The following ARHGAP5 variants were observed in gnomAD, a reference collection of about 807,000 sequenced individuals.
ARHGAP5 encodes rho GTPase-activating protein 5.
A neutral mutation model predicts 116.6 loss-of-function variants in ARHGAP5; 23 were observed. That is an observed-to-expected ratio of 0.20 (90% CI 0.14 to 0.28). The LOEUF is 0.28. Among genes scored for constraint, ARHGAP5 ranks in the 10% least tolerant of loss-of-function variants. ARHGAP5 has a pLI of 1.00. For missense variants in ARHGAP5, 1,405 were observed against 1,774.8 expected (o/e 0.79, Z 3.74); for synonymous variants, 574 against 602.0 (o/e 0.95, Z 0.68).
intron 3 of ARHGAP5, among the ~76,000 whole-genome samples, chr14:32,141,559 A>G (rs1881125306): frequency 6.6e-6 from 1 of 152,216 alleles, no homozygotes; most frequent in Non-Finnish European, 1.5e-5. Flanking sequence ...GCTGGCTTAT[A>G]TGCTTGCCTA....
chr14:32,150,076 GT>G, intron 5 of ARHGAP5, 43 bp downstream of exon 5: 1 of 1,474,080 alleles, frequency 6.8e-7, no homozygotes, highest in South Asian at 1.4e-5. Context: ...GATAATGGCA[GT>G]TTTTGGATAT....
chr14:32,111,277 A>G (rs1399659173), intron 2 of ARHGAP5, among the ~76,000 whole-genome samples: 1 of 152,216 alleles, frequency 6.6e-6, no homozygotes, highest in Non-Finnish European at 1.5e-5. Flanking sequence ...AACAGCAGCA[A>G]AAGACAGTCA....
chr14:32,095,655 G>A (rs1049045031), intron 2 of ARHGAP5, among the ~76,000 whole-genome samples: 9 of 151,888 alleles, frequency 5.9e-5, no homozygotes, highest in Non-Finnish European at 1.2e-4. Context: ...CAGATGATCC[G>A]AGGCCTGCCT....
intron 3 of ARHGAP5, among the ~76,000 whole-genome samples, chr14:32,144,096 A>G (rs1881261074): frequency 6.6e-6 from 1 of 152,212 alleles, no homozygotes; most frequent in Non-Finnish European, 1.5e-5. Flanking sequence ...ATAGAGCTAT[A>G]GATAAAGTAC....
intron 2 of ARHGAP5, among the ~76,000 whole-genome samples, chr14:32,115,815 CA>C (rs35119475): frequency 2.8e-5 from 4 of 141,686 alleles, no homozygotes; most frequent in Non-Finnish European, 3.1e-5. Flanking sequence ...ACTAAAAATA[CA>C]AAAAAAAAAA....
intron 6 of ARHGAP5, chr14:32,153,884 T>C (rs1881770140): frequency 6.9e-6 from 1 of 145,906 alleles, no homozygotes; most frequent in South Asian, 2.2e-4. Flanking sequence ...GAGACTTGAT[T>C]CTCAAAAAAA....
chr14:32,120,993 A>G (rs115932410), intron 3 of ARHGAP5, among the ~76,000 whole-genome samples: 3,132 of 145,868 alleles, frequency 0.021, 126 homozygotes, highest in African/African-American at 0.074. Flanking sequence ...TTTTAATTTC[A>G]TACACATTTA....
Position 32,154,934 on chromosome 14 carries a change from C to T in ARHGAP5, c.4495C>T (p.Leu1499Phe). The part of the protein sequence containing the change: ...LIQPQLQTDP[L>F]GII ...ACAACCACAATTACAAACGGATCCT[C>T]TTGGTATTATATGAGTAGGAAGTGA... is the stretch of plus-strand genomic sequence containing the variant. Residue 1499 changes from leucine to phenylalanine, a missense_variant, in exon 7 of 7, where the codon CTT (leucine) becomes TTT (phenylalanine). Coordinates refer to ENST00000345122, the MANE Select transcript of ARHGAP5 (RefSeq NM_001030055.2). The T allele has an allele frequency of 6.2e-7, 1 of 1,613,298 alleles. No individual in the cohort carries two copies. The highest frequency in any genetic ancestry group is 1.1e-5 in the South Asian group (1 of 91,058).
rs1320409310 is a variant in ARHGAP5 at position 32,156,642 on chromosome 14, T to C, written c.*1694T>C. 1 of 152,266 alleles carries C rather than the reference T, an allele frequency of 6.6e-6. No individual in the cohort carries two copies. Among genetic ancestry groups the C allele is most frequent in the Non-Finnish European group, 1.5e-5 (1 of 67,774 alleles). The allele number at this position is 152,266 out of a possible 1,614,324, so 9.4% of individuals were successfully genotyped here. A position where few individuals can be genotyped will look rare whatever the true frequency, so the allele number is the denominator to read the frequency against. Reference sequence around the variant, plus strand: ...AAGTACAGTAATTTTTAAAAAAAAATCCGGTAAATGTAGTATTCTTAACCT... The same window carrying C: ...AAGTACAGTAATTTTTAAAAAAAAACCCGGTAAATGTAGTATTCTTAACCT... On this transcript the variant is annotated 3_prime_UTR_variant, in exon 7 of 7. Transcript: ENST00000345122.
chr14:32,146,158 A>G, intron 3 of ARHGAP5, 105 bp from the exon 4 acceptor site: 1 of 769,350 alleles, frequency 1.3e-6, no homozygotes, highest in Non-Finnish European at 2.1e-6. Flanking sequence ...CAGTTCTCCC[A>G]CCTTGGCCTC....
rs775411340 is a variant in ARHGAP5, at chr14:32,146,355, A to T, written c.3943+15A>T. ...GTTTGATCAAGGTAAGAAGATGATT[A>T]TGTGAAATAAAAATTGTTGTTTTAT... On this transcript the variant is annotated intron_variant, in intron 4 of 6. Coordinates refer to ENST00000345122, the MANE Select transcript of ARHGAP5 (RefSeq NM_001030055.2). 4.3e-5 allele frequency: 68 copies of T among 1,573,798 alleles called. No homozygotes were observed. Among genetic ancestry groups the T allele is most frequent in the Non-Finnish European group, 1.3e-5 (15 of 1,147,356 alleles).
At chr14:32,135,275 A>C (rs1880729439) in intron 3 of ARHGAP5, among the ~76,000 whole-genome samples, 1 of 152,240 alleles carries the variant, frequency 6.6e-6, no homozygotes, top group South Asian at 2.1e-4. Context: ...CAAAAAATAC[A>C]TTTAACTGGA....
In ARHGAP5 at chr14:32,157,824, G is replaced by A. The variant is rs1431827763; in HGVS notation, c.*2876G>A. 2 of 149,334 alleles carry A rather than the reference G, an allele frequency of 1.3e-5. No homozygotes were observed. Among genetic ancestry groups the A allele is most frequent in the Non-Finnish European group, 3.0e-5 (2 of 67,028 alleles). The allele number at this position is 149,334 out of a possible 1,614,324, so 9.3% of individuals were successfully genotyped here. A position where few individuals can be genotyped will look rare whatever the true frequency, so the allele number is the denominator to read the frequency against. On this transcript the variant is annotated 3_prime_UTR_variant, in exon 7 of 7. Transcript: ENST00000345122. ...GACCTGGGTTTTTTTGTTTATTTGGGTTTGTTTTTTTTTTTGAGGTACTGG... is the reference window on the plus strand; with the variant it reads ...GACCTGGGTTTTTTTGTTTATTTGGATTTGTTTTTTTTTTTGAGGTACTGG...
At chr14:32,080,076 T>A (rs1033305988) in intron 1 of ARHGAP5, among the ~76,000 whole-genome samples, 1 of 152,062 alleles carries the variant, frequency 6.6e-6, no homozygotes, top group Admixed American at 6.5e-5. Context: ...CAGGCTTTTG[T>A]CGATTATTTT....
At position 32,093,107 on chromosome 14, in the gene ARHGAP5, A is replaced by G. The variant is rs1411881023; in HGVS notation, c.2438A>G (p.Asn813Ser). The G allele has an allele frequency of 3.7e-6, 6 of 1,613,900 alleles. No individual in the cohort carries two copies. Among genetic ancestry groups the G allele is most frequent in the Non-Finnish European group, 5.1e-6 (6 of 1,179,940 alleles). ...TGCAGTGCTGCTCAAGCTGGACAGA[A>G]TAATTCCCTAATGCTTGATAAAATC... ...HSCSAAQAGQ[N>S]NSLMLDKIIG... The change falls in exon 2 of 7, where the codon AAT becomes AGT. Residue 813 changes from asparagine (N) to serine (S), a missense_variant. Around this residue, in one of 6 missense-constraint regions of ARHGAP5, gnomAD observed 944 missense variants for 1,095.3 expected, o/e 0.86. Transcript: ENST00000345122.
Position 32,146,350 on chromosome 14 carries a change from T to A in ARHGAP5, c.3943+10T>A, listed in dbSNP as rs1226787663. ...AAGCAGTTTGATCAAGGTAAGAAGA[T>A]GATTATGTGAAATAAAAATTGTTGT... On this transcript the variant is annotated intron_variant, in intron 4 of 6. Coordinates refer to ENST00000345122, the MANE Select transcript of ARHGAP5 (RefSeq NM_001030055.2). The A allele has an allele frequency of 6.3e-6, 10 of 1,582,178 alleles. No homozygotes were observed. The highest frequency in any genetic ancestry group is 8.7e-6 in the Non-Finnish European group (10 of 1,154,016).
At position 32,117,347 on chromosome 14, in the gene ARHGAP5, C is replaced by T. The variant is rs540550536; in HGVS notation, c.3865+60C>T. ...TTAAATTTCACTTTTGATACACCAA[C>T]AGTTTGTCAAATGTTTGTGATTTGT... On this transcript the variant is annotated intron_variant, in intron 3 of 6. Coordinates refer to ENST00000345122, the MANE Select transcript of ARHGAP5 (RefSeq NM_001030055.2). The T allele has an allele frequency of 2.8e-6, 4 of 1,414,012 alleles. No individual in the cohort carries two copies. The South Asian group carries it at 5.5e-5, about 19-fold the overall frequency. The allele number at this position is 1,414,012 out of a possible 1,614,324, so 87.6% of individuals were successfully genotyped here.
At chr14:32,132,426 G>A (rs1880551922) in intron 3 of ARHGAP5, among the ~76,000 whole-genome samples, 1 of 152,134 alleles carries the variant, frequency 6.6e-6, no homozygotes, top group African/African-American at 2.4e-5. Context: ...ACTTTTTGAT[G>A]GGGTTGTTTG....
chr14:32,148,216 ATATC>A (rs1204114558), intron 4 of ARHGAP5, among the ~76,000 whole-genome samples: 4 of 150,976 alleles, frequency 2.6e-5, no homozygotes, highest in African/African-American at 9.8e-5. Flanking sequence ...CTATCTATGT[ATATC>A]TATCTATAGT....
Sources: allele counts gnomAD v4.1 joint callset (sites outside exome capture counted in the v4.1 genomes callset), GRCh38; gene constraint gnomAD v4.1.1; regional missense constraint gnomAD v4.1.1; transcripts MANE v1.5; gene names NCBI Gene and HGNC (gene_info 2026-07-23, HGNC 2026-07-21).